DMD: variants seen among roughly 807,000 people sequenced by gnomAD.
The protein encoded by DMD is dystrophin, also known as mutant dystrophin.
In DMD, 63 loss-of-function variants were observed where a neutral mutation model predicts 330.1. That is an observed-to-expected ratio of 0.19 (90% CI 0.16 to 0.24). The LOEUF (loss-of-function observed/expected upper bound fraction) is 0.24, where lower values mean the gene tolerates loss of function less well. Among genes scored for constraint, DMD ranks in the 10% least tolerant of loss-of-function variants. The pLI, the probability that DMD is intolerant of heterozygous loss-of-function variation, is 1.00. For missense variants in DMD, 3,344 were observed against 2,684.1 expected, an observed-to-expected ratio of 1.25 and a Z score of -5.43; for synonymous variants, 1,223 against 959.8, an observed-to-expected ratio of 1.27 and a Z score of -5.07.
intron 44 of DMD, among the ~76,000 whole-genome samples, chrX:32,007,609 GGA>G (rs1023515045): frequency 5.4e-5 from 6 of 111,232 alleles, no homozygotes; most frequent in African/African-American, 2.0e-4. Flanking sequence ...CAATCTTAAA[GGA>G]TGCTAAAAGC....
chrX:32,907,777 C>G (rs776588298), intron 2 of DMD, among the ~76,000 whole-genome samples: 13 of 112,250 alleles, frequency 1.2e-4, no homozygotes, highest in Non-Finnish European at 2.1e-4. Flanking sequence ...CTTTTGAATA[C>G]TTATTAATGC....
intron 50 of DMD, among the ~76,000 whole-genome samples, chrX:31,800,004 C>G (rs1429078740): frequency 2.7e-5 from 3 of 112,873 alleles, no homozygotes; most frequent in Non-Finnish European, 3.8e-5. Context: ...GCCCTTGTGG[C>G]TTTGCAGGGT....
chrX:31,324,708 C>T (rs1180346246), intron 61 of DMD, among the ~76,000 whole-genome samples: 2 of 112,032 alleles, frequency 1.8e-5, no homozygotes, highest in Non-Finnish European at 3.8e-5. Context: ...ATTTGAAGCA[C>T]AGCTGATGCT....
At chrX:32,926,823 T>G (rs955539551) in intron 2 of DMD, among the ~76,000 whole-genome samples, 2 of 110,033 alleles carry the variant, frequency 1.8e-5, no homozygotes, top group Non-Finnish European at 3.8e-5. Flanking sequence ...GTTAATTAGC[T>G]TGACTGAGCC....
intron 46 of DMD, among the ~76,000 whole-genome samples, chrX:31,930,751 C>A (rs987012101): frequency 9.0e-6 from 1 of 111,690 alleles, no homozygotes; most frequent in South Asian, 3.7e-4. Flanking sequence ...TAGACTCATG[C>A]ATATTAATTA....
At chrX:32,377,314 C>A (rs1317835767) in intron 34 of DMD, among the ~76,000 whole-genome samples, 4 of 112,038 alleles carry the variant, frequency 3.6e-5, no homozygotes. Context: ...ATAGCTTTTA[C>A]AGCTAAAGTA....
chrX:31,887,884 C>T (rs2094178710), intron 47 of DMD, among the ~76,000 whole-genome samples: 1 of 112,177 alleles, frequency 8.9e-6, no homozygotes, highest in African/African-American at 3.2e-5. Flanking sequence ...GTTAAATGAA[C>T]AATCATACAA....
At chrX:32,870,106 A>G (rs1471213504) in intron 2 of DMD, among the ~76,000 whole-genome samples, 1 of 112,080 alleles carries the variant, frequency 8.9e-6, no homozygotes, top group African/African-American at 3.2e-5. Context: ...GTCTCAGGAT[A>G]CAAAAATCAA....
chrX:32,454,298 C>T (rs1233422438), intron 26 of DMD, among the ~76,000 whole-genome samples: 2 of 111,153 alleles, frequency 1.8e-5, no homozygotes, highest in African/African-American at 6.5e-5. Flanking sequence ...TTGTTGACTA[C>T]ATTATAAATT....
At chrX:32,493,793 C>A (rs1373922786) in intron 19 of DMD, among the ~76,000 whole-genome samples, 1 of 111,749 alleles carries the variant, frequency 8.9e-6, no homozygotes, top group Non-Finnish European at 1.9e-5. Context: ...TGGCATGGAT[C>A]TAAATGATCA....
intron 4 of DMD, among the ~76,000 whole-genome samples, chrX:32,825,851 G>C (rs1401993370): frequency 9.0e-6 from 1 of 111,518 alleles, no homozygotes; most frequent in South Asian, 3.7e-4. Context: ...AGTTATTAAA[G>C]GCTAGGGGAG....
intron 9 of DMD, among the ~76,000 whole-genome samples, chrX:32,673,256 C>T (rs2061745426): frequency 9.0e-6 from 1 of 110,692 alleles, no homozygotes; most frequent in Admixed American, 9.7e-5. Context: ...CAAAATGATA[C>T]TTGGTACATG....
intron 44 of DMD, among the ~76,000 whole-genome samples, chrX:32,113,565 A>G (rs1375176403): frequency 8.9e-6 from 1 of 111,878 alleles, no homozygotes; most frequent in African/African-American, 3.2e-5. Flanking sequence ...GACTTTTTCC[A>G]TGCCCTATTT....
At chrX:33,029,149 ACT>A (rs748904878) in intron 1 of DMD, among the ~76,000 whole-genome samples, 1 of 111,267 alleles carries the variant, frequency 9.0e-6, no homozygotes, top group East Asian at 2.8e-4. Flanking sequence ...TGCTCAAACT[ACT>A]CTGTTAATTA....
chrX:32,598,240 A>G (rs1012462137), intron 12 of DMD, among the ~76,000 whole-genome samples: 1 of 112,320 alleles, frequency 8.9e-6, no homozygotes. Context: ...TGTGCAATCT[A>G]TACTGCCTAT....
chrX:32,278,595 G>A (rs2097400221), intron 43 of DMD, among the ~76,000 whole-genome samples: 1 of 111,229 alleles, frequency 9.0e-6, no homozygotes, highest in African/African-American at 3.3e-5. Context: ...CTTCTCAAAA[G>A]AAGACATTTA....
chrX:31,403,809 T>C (rs2061297823), intron 60 of DMD, among the ~76,000 whole-genome samples: 1 of 111,667 alleles, frequency 9.0e-6, no homozygotes, highest in African/African-American at 3.2e-5. Flanking sequence ...CTTTGATTCT[T>C]AGATGATCTT....
chrX:32,723,873 A>T (rs2066588009), intron 7 of DMD, among the ~76,000 whole-genome samples: 1 of 109,158 alleles, frequency 9.2e-6, no homozygotes, highest in South Asian at 3.8e-4. Flanking sequence ...TAGCTAATCA[A>T]CTAAAAAAAA....
intron 45 of DMD, among the ~76,000 whole-genome samples, chrX:31,952,800 A>G (rs2095200979): frequency 8.9e-6 from 1 of 111,936 alleles, no homozygotes; most frequent in Non-Finnish European, 1.9e-5. Flanking sequence ...ATTTTAAATA[A>G]CATATTAAAG....
Sources: gnomAD v4.1 joint callset for allele counts (sites outside exome capture counted in the v4.1 genomes callset) on GRCh38, gnomAD v4.1.1 for gene constraint, MANE v1.5 for transcripts, NCBI Gene and HGNC (gene_info 2026-07-23, HGNC 2026-07-21) for gene names.